FAS: variants seen among roughly 807,000 people sequenced by gnomAD.
FAS encodes tumor necrosis factor receptor superfamily member 6.
FAS carries 5 observed loss-of-function variants against 33.2 expected under a neutral mutation model. The observed-to-expected ratio is 0.15, with a 90% CI of 0.08 to 0.32. The LOEUF (loss-of-function observed/expected upper bound fraction) is 0.32. Among genes scored for constraint, FAS ranks in the 10% least tolerant of loss-of-function variants. FAS has a pLI of 1.00. For synonymous variants in FAS, 131 were observed against 130.7 expected, an observed-to-expected ratio of 1.00 and a Z score of -0.01; for missense variants, 339 against 386.0, an observed-to-expected ratio of 0.88 and a Z score of 1.02.
At chr10:88,967,797 G>A (rs1468382257) in intron 1 of FAS, among the ~76,000 whole-genome samples, 1 of 152,188 alleles carries the variant, frequency 6.6e-6, no homozygotes, top group Non-Finnish European at 1.5e-5. Context: ...TCACACACCA[G>A]AACTCATTTC....
At chr10:89,013,479 T>C in intron 8 of FAS, 112 bp downstream of exon 8, 1 of 1,052,940 alleles carries the variant, frequency 9.5e-7, no homozygotes, top group Non-Finnish European at 1.5e-6. Context: ...GATCTTGTTA[T>C]TTCTCATACA....
At chr10:89,011,067 A>C (rs1848505538) in intron 6 of FAS, 1 of 545,734 alleles carries the variant, frequency 1.8e-6, no homozygotes, top group African/African-American at 1.9e-5. Context: ...TGTTCTCTGC[A>C]GCAGCAGAAT....
intron 1 of FAS, among the ~76,000 whole-genome samples, chr10:88,996,738 A>G (rs1438689087): frequency 6.6e-6 from 1 of 152,216 alleles, no homozygotes. Flanking sequence ...ATCATGTTAT[A>G]TACCATAAAT....
At chr10:89,010,235 T>C (rs568580132) in intron 4 of FAS, among the ~76,000 whole-genome samples, 7 of 152,346 alleles carry the variant, frequency 4.6e-5, no homozygotes, top group African/African-American at 1.7e-4. Context: ...GTGTTCAGTT[T>C]ATTACTAGGT....
upstream of FAS, among the ~76,000 whole-genome samples, chr10:88,982,171 T>G (rs114593289): frequency 2.0e-5 from 3 of 152,204 alleles, no homozygotes; most frequent in African/African-American, 7.2e-5. Flanking sequence ...CCTCAAGTGC[T>G]TGGGCCCATG....
chr10:88,981,687 G>A (rs558786536), intron 2 of FAS, among the ~76,000 whole-genome samples: 4 of 152,308 alleles, frequency 2.6e-5, no homozygotes, highest in Admixed American at 1.3e-4. Flanking sequence ...TAGGGAGGGA[G>A]AGAGAGGCTG....
Position 88,990,894 on chromosome 10 carries a change from C to T in FAS, c.18C>T (p.Thr6=). Residue 6 remains threonine (T), a synonymous_variant, in exon 1 of 9, where the codon ACC becomes ACT. Transcript: ENST00000652046. This position sits in a 1 kb window ranked among gnomAD's most constrained non-coding sequence, Gnocchi z 4.9. ...CAACAACCATGCTGGGCATCTGGAC[C>T]CTCCTACCTCTGGTGAGCCCTCTCC... is the stretch of plus-strand genomic sequence containing the variant. MLGIW[T]LLPLVLTSVA... is the part of the protein sequence containing the mutation. The T allele has an allele frequency of 6.2e-7, 1 of 1,614,230 alleles. No homozygotes were observed. The highest frequency in any genetic ancestry group is 8.5e-7 in the Non-Finnish European group (1 of 1,180,040).
intron 1 of FAS, among the ~76,000 whole-genome samples, chr10:88,999,173 A>AAAAAT (rs1847787501): frequency 2.2e-5 from 2 of 89,148 alleles, no homozygotes; most frequent in Admixed American, 1.1e-4. Flanking sequence ...ATAAATAAAT[A>AAAAAT]AAATAAAATA....
Position 89,012,064 on chromosome 10 carries a change from T to A in FAS, c.634T>A (p.Ser212Thr), listed in dbSNP as rs1848559695. The A allele has an allele frequency of 1.2e-6, 2 of 1,613,558 alleles. No individual in the cohort carries two copies. Among genetic ancestry groups the A allele is most frequent in the African/African-American group, 2.7e-5 (2 of 75,040 alleles). ...HRKENQGSHE[S>T]PTLNPETVAI... ...AAAGGAAAACCAAGGTTCTCATGAA[T>A]CTCCAACTTTAAATCCTGTAGGTAT... The change falls in exon 7 of 9, where the codon TCT (serine) becomes ACT (threonine). Residue 212 changes from serine to threonine, a missense_variant. This residue lies in a region of FAS where 276 missense variants were observed against 300.1 expected (regional missense o/e 0.92). Coordinates refer to ENST00000652046, the MANE Select transcript of FAS (RefSeq NM_000043.6).
At chr10:89,001,515 G>T (rs558440870) in intron 1 of FAS, among the ~76,000 whole-genome samples, 2 of 151,218 alleles carry the variant, frequency 1.3e-5, no homozygotes, top group Non-Finnish European at 2.9e-5. Context: ...TGCTCTATTT[G>T]TAACCGTCAT....
chr10:88,968,176 G>T (rs746984335), intron 1 of FAS, among the ~76,000 whole-genome samples: 8 of 152,084 alleles, frequency 5.3e-5, no homozygotes, highest in Non-Finnish European at 7.4e-5. Context: ...TATTTAAATC[G>T]CTAAAAACTG....
chr10:89,008,864 A>C, intron 3 of FAS, 25 bp from the exon 4 acceptor site: 1 of 1,603,174 alleles, frequency 6.2e-7, no homozygotes, highest in Non-Finnish European at 8.5e-7. Context: ...CGCTATAACT[A>C]ATAGTTTCCA....
At chr10:89,002,287 G>C (rs1350688441) in intron 1 of FAS, among the ~76,000 whole-genome samples, 1 of 152,214 alleles carries the variant, frequency 6.6e-6, no homozygotes, top group Non-Finnish European at 1.5e-5. Context: ...ACTCTTAACT[G>C]TGAATTATTG....
chr10:88,978,927 AATAT>A (rs1846641569), intron 2 of FAS, among the ~76,000 whole-genome samples: 2 of 151,524 alleles, frequency 1.3e-5, no homozygotes, highest in African/African-American at 4.8e-5. Context: ...AATAGGAACT[AATAT>A]TCATCAAGAA....
intron 1 of FAS, chr10:88,991,175 T>A: frequency 1.7e-6 from 1 of 582,984 alleles, no homozygotes; most frequent in Non-Finnish European, 3.1e-6. Context: ...GCGGGGCAGC[T>A]CCGGCGCTCC....
At chr10:88,995,443 T>C (rs1847528686) in intron 1 of FAS, among the ~76,000 whole-genome samples, 1 of 152,214 alleles carries the variant, frequency 6.6e-6, no homozygotes, top group South Asian at 2.1e-4. Context: ...ACCCCATCTT[T>C]AGACATTTAG....
At chr10:88,998,329 G>C (rs1847719767) in intron 1 of FAS, among the ~76,000 whole-genome samples, 2 of 132,966 alleles carry the variant, frequency 1.5e-5, no homozygotes, top group Non-Finnish European at 3.1e-5. Context: ...GCTTTATATA[G>C]CTTTAGTTAA....
chr10:88,992,394 C>T (rs1589443711), intron 1 of FAS: 2 of 152,262 alleles, frequency 1.3e-5, no homozygotes, highest in East Asian at 3.9e-4. Flanking sequence ...TTGAAAATCT[C>T]ATAGTTTTTG....
At chr10:88,978,522 A>C (rs551869166) in intron 2 of FAS, among the ~76,000 whole-genome samples, 35 of 152,358 alleles carry the variant, frequency 2.3e-4, no homozygotes, top group Admixed American at 6.5e-4. Flanking sequence ...TCAGCCTTTC[A>C]TCACCCCTGC....
Sources: allele counts gnomAD v4.1 joint callset (sites outside exome capture counted in the v4.1 genomes callset), GRCh38; gene constraint gnomAD v4.1.1; regional missense constraint gnomAD v4.1.1; non-coding constraint Gnocchi (gnomAD v3.1); transcripts MANE v1.5; gene names NCBI Gene and HGNC (gene_info 2026-07-23, HGNC 2026-07-21).